SPATS2: variants seen among roughly 807,000 people sequenced by gnomAD.
The protein encoded by SPATS2 is spermatogenesis-associated serine-rich protein 2.
SPATS2 carries 38 observed loss-of-function variants against 63.7 expected under a neutral mutation model. The observed-to-expected ratio is 0.60, with a 90% CI of 0.46 to 0.78. The LOEUF is 0.78. Ranked by LOEUF, SPATS2 falls within the 30% of genes least tolerant of loss-of-function variation. SPATS2 has a pLI of 0.00. For synonymous variants in SPATS2, 207 were observed against 232.9 expected, an observed-to-expected ratio of 0.89 and a Z score of 1.01; for missense variants, 588 against 666.2, an observed-to-expected ratio of 0.88 and a Z score of 1.29.
At chr12:49,474,198 G>A (rs1251715330) in intron 3 of SPATS2, among the ~76,000 whole-genome samples, 1 of 152,188 alleles carries the variant, frequency 6.6e-6, no homozygotes, top group Non-Finnish European at 1.5e-5. Flanking sequence ...CTTACATAGA[G>A]TGTCTCTTAT....
At chr12:49,521,344 G>T (rs12320612) in intron 11 of SPATS2, among the ~76,000 whole-genome samples, 2,152 of 152,322 alleles carry the variant, frequency 0.014, 48 homozygotes, top group African/African-American at 0.047. Context: ...CTGTGGAGTG[G>T]TGTTGTTCTC....
intron 8 of SPATS2, among the ~76,000 whole-genome samples, chr12:49,499,412 T>C (rs1402496832): frequency 2.0e-5 from 3 of 150,664 alleles, no homozygotes; most frequent in African/African-American, 7.5e-5. Flanking sequence ...TTGTTTTGTT[T>C]TGTTTTGTTT....
At chr12:49,474,724 G>A (rs1946090958) in intron 3 of SPATS2, among the ~76,000 whole-genome samples, 1 of 152,072 alleles carries the variant, frequency 6.6e-6, no homozygotes, top group Non-Finnish European at 1.5e-5. Context: ...TCTATCACTG[G>A]CAGAATAGAT....
At chr12:49,404,252 G>A (rs1186996109) in intron 2 of SPATS2, among the ~76,000 whole-genome samples, 1 of 151,020 alleles carries the variant, frequency 6.6e-6, no homozygotes, top group African/African-American at 2.4e-5. Context: ...GAGGGAAAGA[G>A]TACAGGTTCT....
chr12:49,460,993 T>C lies in SPATS2; in HGVS notation c.-20T>C. On this transcript the variant is annotated 5_prime_UTR_variant, in exon 3 of 14. Transcript: ENST00000552918. ...AAAGGATACTTTTCTTGTATATTTT[T>C]TGAGATCGAAGAAACGACAATGTCC... is the stretch of plus-strand genomic sequence containing the variant. 2 of 1,613,720 alleles carry C rather than the reference T, an allele frequency of 1.2e-6. No individual in the cohort carries two copies. Among genetic ancestry groups the C allele is most frequent in the Non-Finnish European group, 1.7e-6 (2 of 1,179,844 alleles).
intron 9 of SPATS2, among the ~76,000 whole-genome samples, chr12:49,501,700 C>T (rs1342783774): frequency 2.0e-5 from 3 of 152,100 alleles, no homozygotes; most frequent in Admixed American, 6.5e-5. Flanking sequence ...CTGCAACCTC[C>T]GCCTCCCAGG....
chr12:49,442,827 A>T (rs1244460120), intron 2 of SPATS2, among the ~76,000 whole-genome samples: 1 of 145,020 alleles, frequency 6.9e-6, no homozygotes, highest in Non-Finnish European at 1.5e-5. Flanking sequence ...AAAAAATTAC[A>T]TTCACCATTA....
chr12:49,434,818 T>C (rs1484108827), intron 2 of SPATS2, among the ~76,000 whole-genome samples: 3 of 152,200 alleles, frequency 2.0e-5, no homozygotes, highest in African/African-American at 7.2e-5. Flanking sequence ...GTTTCAAATC[T>C]TGTTTTATCA....
rs1176388358 is a variant in SPATS2 at position 49,448,207 on chromosome 12, G to A, written c.-243-12563G>A. Among the ~76,000 whole-genome samples, 9 of 148,258 alleles carry A rather than the reference G, an allele frequency of 6.1e-5. No individual in the cohort carries two copies. The East Asian group carries it at 1.0e-3, about 16-fold the overall frequency. ...GGCTGGAGTGCAGTGGCGTGATCTC[G>A]GCTCACTGCAAGCTCTGCCTCCTGG... On this transcript the variant is annotated intron_variant, in intron 2 of 13. Transcript: ENST00000552918.
intron 2 of SPATS2, among the ~76,000 whole-genome samples, chr12:49,460,132 AAAAG>A (rs774231889): frequency 9.3e-5 from 14 of 151,150 alleles, no homozygotes; most frequent in Admixed American, 2.0e-4. Flanking sequence ...AACAAACAAA[AAAAG>A]AAATTCTAGA....
intron 2 of SPATS2, among the ~76,000 whole-genome samples, chr12:49,372,943 TGTGTGTGTGTG>T (rs1944026361): frequency 5.8e-5 from 1 of 17,140 alleles, no homozygotes; most frequent in African/African-American, 1.2e-3. Flanking sequence ...TTCTGTTTTG[TGTGTGTGTGTG>T]TGTGTGTGTG....
At chr12:49,451,683 A>G (rs1945626203) in intron 2 of SPATS2, among the ~76,000 whole-genome samples, 1 of 152,204 alleles carries the variant, frequency 6.6e-6, no homozygotes, top group Non-Finnish European at 1.5e-5. Flanking sequence ...CATACGTTAT[A>G]TGTACCTACA....
intron 2 of SPATS2, among the ~76,000 whole-genome samples, chr12:49,388,696 C>CTT (rs76248274): frequency 1.5e-5 from 2 of 136,190 alleles, no homozygotes; most frequent in Admixed American, 7.5e-5. Flanking sequence ...TTTTTTTTTC[C>CTT]TTTTTTTTTT....
intron 11 of SPATS2, among the ~76,000 whole-genome samples, chr12:49,520,074 G>A (rs766428000): frequency 6.6e-6 from 1 of 151,730 alleles, no homozygotes; most frequent in Non-Finnish European, 1.5e-5. Flanking sequence ...CCGCCTCCCC[G>A]GTTCAAGCGC....
intron 3 of SPATS2, among the ~76,000 whole-genome samples, chr12:49,468,959 A>G (rs775434862): frequency 6.6e-6 from 1 of 152,142 alleles, no homozygotes; most frequent in Admixed American, 6.6e-5. Flanking sequence ...AAATCTTTAC[A>G]AAGTAAAATA....
chr12:49,513,061 C>T (rs958176263), intron 9 of SPATS2, among the ~76,000 whole-genome samples: 2 of 152,234 alleles, frequency 1.3e-5, no homozygotes, highest in Non-Finnish European at 1.5e-5. Flanking sequence ...CCTATGTTCT[C>T]TGGCACTTCC....
At chr12:49,368,729 G>A (rs904333731) in intron 1 of SPATS2, among the ~76,000 whole-genome samples, 21 of 152,090 alleles carry the variant, frequency 1.4e-4, no homozygotes, top group Non-Finnish European at 2.1e-4. Context: ...TGGATTTCCA[G>A]ACCAAATTTG....
chr12:49,461,011 C>A lies in SPATS2; in HGVS notation c.-2C>A, dbSNP rs1315488551. On this transcript the variant is annotated 5_prime_UTR_variant, in exon 3 of 14. Transcript: ENST00000552918. ...ATATTTTTTGAGATCGAAGAAACGA[C>A]AATGTCCAGGAAACAGAACCAGAAG... 6.2e-7 allele frequency: 1 copy of A among 1,613,730 alleles called. No homozygotes were observed. Among genetic ancestry groups the A allele is most frequent in the Non-Finnish European group, 8.5e-7 (1 of 1,179,874 alleles).
At chr12:49,510,585 C>A (rs1946736444) in intron 9 of SPATS2, among the ~76,000 whole-genome samples, 1 of 147,214 alleles carries the variant, frequency 6.8e-6, no homozygotes, top group Non-Finnish European at 1.5e-5. Context: ...AAAAAAGATT[C>A]TAAGTTTTGA....
Sources: allele counts gnomAD v4.1 joint callset (sites outside exome capture counted in the v4.1 genomes callset), GRCh38; gene constraint gnomAD v4.1.1; transcripts MANE v1.5; gene names NCBI Gene and HGNC (gene_info 2026-07-23, HGNC 2026-07-21).